Variants in SGCZ observed in about 807,000 individuals in gnomAD.
The protein encoded by SGCZ is zeta-sarcoglycan.
SGCZ carries 40 observed loss-of-function variants against 41.3 expected under a neutral mutation model. The observed-to-expected ratio is 0.97, with a 90% CI of 0.75 to 1.26. The LOEUF is 1.26. Ranked by LOEUF, SGCZ falls within the 50% of genes most tolerant of loss-of-function variation. The pLI is 0.00. For missense variants in SGCZ, 552 were observed against 369.8 expected, an observed-to-expected ratio of 1.49 and a Z score of -4.04; for synonymous variants, 206 against 137.5, an observed-to-expected ratio of 1.50 and a Z score of -3.49.
At chr8:14,709,872 T>C (rs1809457422) in intron 1 of SGCZ, among the ~76,000 whole-genome samples, 1 of 152,194 alleles carries the variant, frequency 6.6e-6, no homozygotes, top group Non-Finnish European at 1.5e-5. Context: ...ACTACTTTTA[T>C]GACACAGGGA....
intron 7 of SGCZ, among the ~76,000 whole-genome samples, chr8:14,100,603 ATT>A (rs1801989421): frequency 3.6e-5 from 5 of 138,528 alleles, no homozygotes; most frequent in Middle Eastern, 4.1e-3. Context: ...TATTTTATTA[ATT>A]TATATTAATA....
At position 14,587,892 on chromosome 8, in the gene SGCZ, G is replaced by A. The variant is rs1209801280; in HGVS notation, c.40-32966C>T. On this transcript the variant is annotated intron_variant, in intron 1 of 7. Coordinates refer to ENST00000382080, the MANE Select transcript of SGCZ (RefSeq NM_139167.4). The stretch of plus-strand genomic sequence containing the variant: ...ATTGTATTATAAACTGAGTTTTTGG[G>A]CAAGCTTGTAAGAGACTCAAAATTG... Among the ~76,000 whole-genome samples, 3 of 152,108 alleles carry A rather than the reference G, an allele frequency of 2.0e-5. No homozygotes were observed. The East Asian group carries it at 5.8e-4, about 29-fold the overall frequency.
intron 2 of SGCZ, among the ~76,000 whole-genome samples, chr8:14,330,528 T>C (rs1802278520): frequency 6.6e-6 from 1 of 152,114 alleles, no homozygotes; most frequent in African/African-American, 2.4e-5. Context: ...ATTCTCTTTG[T>C]TGACATTCAA....
chr8:15,086,290 G>A (rs527715959), intron 1 of SGCZ, among the ~76,000 whole-genome samples: 7 of 152,198 alleles, frequency 4.6e-5, no homozygotes, highest in South Asian at 2.1e-4. Context: ...TGCATACTCC[G>A]AAAACTACAA....
chr8:14,682,549 C>A lies in SGCZ; in HGVS notation c.40-127623G>T, dbSNP rs530066718. ...TCCCGGGTTCACGCCATCCTCCTGC[C>A]TCAGCCTCCTGAGTAGCTGGGACTA... On this transcript the variant is annotated intron_variant, in intron 1 of 7. Coordinates refer to ENST00000382080, the MANE Select transcript of SGCZ (RefSeq NM_139167.4). 2.6e-5 allele frequency among the ~76,000 whole-genome samples: 4 copies of A among 152,092 alleles called. No individual in the cohort carries two copies. The East Asian group carries it at 7.8e-4, about 30-fold the overall frequency.
chr8:14,326,198 T>A (rs1444620659), intron 2 of SGCZ, among the ~76,000 whole-genome samples: 1 of 149,622 alleles, frequency 6.7e-6, no homozygotes, highest in Non-Finnish European at 1.5e-5. Context: ...TAGACAGATG[T>A]TTATAAAACC....
intron 1 of SGCZ, among the ~76,000 whole-genome samples, chr8:15,102,646 C>A (rs187891162): frequency 3.3e-5 from 5 of 152,272 alleles, no homozygotes; most frequent in African/African-American, 7.2e-5. Context: ...AGACCTCACT[C>A]AACTACTGCA....
chr8:14,317,749 T>A (rs970036813), intron 3 of SGCZ, among the ~76,000 whole-genome samples: 1 of 151,890 alleles, frequency 6.6e-6, no homozygotes, highest in African/African-American at 2.4e-5. Context: ...AAAGTAACTG[T>A]GATTTTTGCC....
intron 1 of SGCZ, among the ~76,000 whole-genome samples, chr8:15,079,074 C>A (rs1358323811): frequency 6.6e-6 from 1 of 152,154 alleles, no homozygotes; most frequent in Non-Finnish European, 1.5e-5. Flanking sequence ...GCTCCTCCTT[C>A]TTCCTCCCAA....
intron 1 of SGCZ, among the ~76,000 whole-genome samples, chr8:15,012,601 T>C (rs1226367773): frequency 9.3e-5 from 13 of 139,172 alleles, no homozygotes; most frequent in Non-Finnish European, 2.0e-4. Context: ...AATATATATT[T>C]ATATAATACA....
At chr8:14,596,837 T>A (rs1040499547) in intron 1 of SGCZ, among the ~76,000 whole-genome samples, 13 of 151,920 alleles carry the variant, frequency 8.6e-5, no homozygotes, top group Non-Finnish European at 1.8e-4. Flanking sequence ...TAGAGTAAAA[T>A]AAAAAATAAT....
intron 4 of SGCZ, among the ~76,000 whole-genome samples, chr8:14,213,332 A>T (rs1805880289): frequency 6.6e-6 from 1 of 152,164 alleles, no homozygotes; most frequent in Admixed American, 6.5e-5. Context: ...CTTTAGGGGA[A>T]CAACAATTTG....
At chr8:14,580,766 A>G (rs1318906083) in intron 1 of SGCZ, among the ~76,000 whole-genome samples, 2 of 152,212 alleles carry the variant, frequency 1.3e-5, no homozygotes, top group Non-Finnish European at 2.9e-5. Context: ...TTTAGCACAT[A>G]GAAAGAAAAT....
At chr8:15,026,578 T>A (rs1803464465) in intron 1 of SGCZ, among the ~76,000 whole-genome samples, 1 of 152,192 alleles carries the variant, frequency 6.6e-6, no homozygotes, top group African/African-American at 2.4e-5. Context: ...TGTGCTCAGA[T>A]ACCACTAGAG....
chr8:15,199,240 T>G (rs1309221059), intron 1 of SGCZ, among the ~76,000 whole-genome samples: 1 of 152,226 alleles, frequency 6.6e-6, no homozygotes, highest in Admixed American at 6.5e-5. Flanking sequence ...ATGACTGCCA[T>G]GTGTAACTGC....
At position 15,135,351 on chromosome 8, in the gene SGCZ, T is replaced by A. The variant is rs543569128; in HGVS notation, c.39+102234A>T. ...TTGGCTCATTTTCACTGATTTTGTA[T>A]TTTAATCTGGCTTTTCATTTGAAAA... On this transcript the variant is annotated intron_variant, in intron 1 of 7. Transcript: ENST00000382080. Among the ~76,000 whole-genome samples, 17 of 152,322 alleles carry A rather than the reference T, an allele frequency of 1.1e-4. No individual in the cohort carries two copies. In the South Asian group the frequency reaches 3.5e-3, roughly 32 times the overall value.
intron 1 of SGCZ, among the ~76,000 whole-genome samples, chr8:15,069,812 A>G (rs1359695095): frequency 6.6e-6 from 1 of 152,206 alleles, no homozygotes; most frequent in East Asian, 1.9e-4. Flanking sequence ...AAAATGCAAT[A>G]CATCTTTGAC....
intron 1 of SGCZ, among the ~76,000 whole-genome samples, chr8:14,569,225 C>G (rs1021352450): frequency 1.3e-5 from 2 of 152,150 alleles, no homozygotes; most frequent in Non-Finnish European, 1.5e-5. Context: ...TGACAGTGCA[C>G]AGTATTTTAA....
At chr8:14,905,474 T>C (rs564644954) in intron 1 of SGCZ, among the ~76,000 whole-genome samples, 214 of 152,142 alleles carry the variant, frequency 1.4e-3, no homozygotes, top group African/African-American at 4.8e-3. Context: ...TTACTGCTCA[T>C]TGGAATTGAA....
Sources: gnomAD v4.1 joint callset for allele counts (sites outside exome capture counted in the v4.1 genomes callset) on GRCh38, gnomAD v4.1.1 for gene constraint, MANE v1.5 for transcripts, NCBI Gene and HGNC (gene_info 2026-07-23, HGNC 2026-07-21) for gene names.